MTA3: variants seen among roughly 807,000 people sequenced by gnomAD.
MTA3 encodes metastasis associated 1 family member 3.
In MTA3, 34 loss-of-function variants were observed where a neutral mutation model predicts 83.5. The observed-to-expected ratio is 0.41, with a 90% CI of 0.31 to 0.54. MTA3 has a LOEUF of 0.54. Ranked by LOEUF, MTA3 falls within the 20% of genes least tolerant of loss-of-function variation. MTA3 has a pLI of 0.33. For synonymous variants in MTA3, 303 were observed against 252.7 expected (o/e 1.20, Z -1.89); for missense variants, 761 against 726.4 (o/e 1.05, Z -0.55).
At chr2:42,514,426 G>T (rs908236420) in intron 2 of MTA3, among the ~76,000 whole-genome samples, 2 of 152,080 alleles carry the variant, frequency 1.3e-5, no homozygotes, top group African/African-American at 2.4e-5. Context: ...TCATCACCCA[G>T]GCTGGAGTGC....
chr2:42,708,877 C>A lies in MTA3; in HGVS notation c.1306C>A (p.Pro436Thr), dbSNP rs1341767276. 1 of 1,613,732 alleles carries A rather than the reference C, an allele frequency of 6.2e-7. No individual in the cohort carries two copies. Among genetic ancestry groups the A allele is most frequent in the African/African-American group, 1.3e-5 (1 of 74,904 alleles). ...TTGTTGTTTTCTGATTTTGCAGGAC[C>A]CTCGTGTTAGAAGTCACGTGTCCCG... is the stretch of plus-strand genomic sequence containing the variant. ...KLSPSPTTED[P>T]RVRSHVSRQA... is the part of the protein sequence containing the mutation. The change falls in exon 14 of 17, where the codon CCT (proline) becomes ACT (threonine). Residue 436 changes from proline (P) to threonine (T), a missense_variant. By Grantham distance (38) the Pro-to-Thr change is conservative (BLOSUM62 -1). Transcript: ENST00000405094.
intron 11 of MTA3, 47 bp downstream of exon 11, chr2:42,697,881 A>T: frequency 7.6e-7 from 1 of 1,319,092 alleles, no homozygotes; most frequent in Non-Finnish European, 1.0e-6. Context: ...TCTTAATTTT[A>T]TCATTGCAGA....
chr2:42,548,841 T>TA (rs1464344132), intron 2 of MTA3, among the ~76,000 whole-genome samples: 1,510 of 12,320 alleles, frequency 0.12, 216 homozygotes, highest in South Asian at 0.23. Context: ...TATATATATA[T>TA]ATATAATATA....
intron 2 of MTA3, among the ~76,000 whole-genome samples, chr2:42,574,443 C>G (rs1400113313): frequency 6.7e-6 from 1 of 148,662 alleles, no homozygotes; most frequent in Non-Finnish European, 1.5e-5. Context: ...CTCAAAATAA[C>G]TGTGCTACTG....
At chr2:42,653,256 C>G (rs2104350035) in intron 6 of MTA3, among the ~76,000 whole-genome samples, 1 of 152,040 alleles carries the variant, frequency 6.6e-6, no homozygotes, top group Non-Finnish European at 1.5e-5. Flanking sequence ...TGATACGGCA[C>G]TTGAGCAGAT....
chr2:42,545,077 C>A (rs959303917), intron 2 of MTA3, among the ~76,000 whole-genome samples: 1 of 152,088 alleles, frequency 6.6e-6, no homozygotes, highest in African/African-American at 2.4e-5. Flanking sequence ...GTCATGAGAC[C>A]ATTAAGATTT....
chr2:42,746,563 C>T (rs1210129282), intron 16 of MTA3, among the ~76,000 whole-genome samples: 1 of 152,200 alleles, frequency 6.6e-6, no homozygotes, highest in Non-Finnish European at 1.5e-5. Flanking sequence ...GACTGCCACC[C>T]GACTTCCAGT....
chr2:42,579,565 T>TA (rs1189878136), intron 3 of MTA3, among the ~76,000 whole-genome samples: 31 of 152,002 alleles, frequency 2.0e-4, no homozygotes, highest in Non-Finnish European at 2.1e-4. Flanking sequence ...GTGCTGGGAT[T>TA]ACAGGTGTGA....
At chr2:42,583,620 C>A (rs1215197916) in intron 3 of MTA3, among the ~76,000 whole-genome samples, 2 of 151,966 alleles carry the variant, frequency 1.3e-5, no homozygotes, top group African/African-American at 4.8e-5. Context: ...TGCAGCCTTC[C>A]CTGGTTCAAG....
chr2:42,548,846 A>AATATATATATAAT (rs1676908977), intron 2 of MTA3, among the ~76,000 whole-genome samples: 1 of 15,054 alleles, frequency 6.6e-5, no homozygotes, highest in African/African-American at 2.6e-4. Flanking sequence ...ATATATATAT[A>AATATATATATAAT]ATATATATAT....
chr2:42,622,189 G>A (rs576695379), intron 4 of MTA3, among the ~76,000 whole-genome samples: 5 of 152,306 alleles, frequency 3.3e-5, no homozygotes, highest in East Asian at 3.9e-4. Flanking sequence ...GATCACTCGC[G>A]GTTAGGAGCT....
chr2:42,629,787 T>A (rs1301624430), intron 4 of MTA3, among the ~76,000 whole-genome samples: 1 of 150,986 alleles, frequency 6.6e-6, no homozygotes, highest in Middle Eastern at 3.2e-3. Flanking sequence ...GAAAAACAAT[T>A]TTTTTTTTTG....
At chr2:42,524,619 C>G (rs1373218990) in intron 2 of MTA3, among the ~76,000 whole-genome samples, 2 of 151,596 alleles carry the variant, frequency 1.3e-5, no homozygotes, top group African/African-American at 4.8e-5. Flanking sequence ...CCACCGCGCC[C>G]CGCCAGCTGC....
At chr2:42,694,575 C>T (rs1276471689) in intron 9 of MTA3, among the ~76,000 whole-genome samples, 1 of 152,106 alleles carries the variant, frequency 6.6e-6, no homozygotes, top group Admixed American at 6.5e-5. Context: ...CCCCTGGTCA[C>T]TGTGATGTTC....
At chr2:42,529,863 G>T (rs1247281683) in intron 2 of MTA3, among the ~76,000 whole-genome samples, 2 of 152,202 alleles carry the variant, frequency 1.3e-5, no homozygotes, top group Non-Finnish European at 2.9e-5. Flanking sequence ...CAATCCAGAT[G>T]AGTCGGTCAG....
intron 4 of MTA3, among the ~76,000 whole-genome samples, chr2:42,626,734 C>CT (rs1558517590): frequency 1.3e-5 from 2 of 151,908 alleles, no homozygotes; most frequent in African/African-American, 4.8e-5. Flanking sequence ...GTATTAGCTC[C>CT]TTTTTTTTAA....
At chr2:42,701,310 AAAT>A (rs1693842579) in intron 11 of MTA3, among the ~76,000 whole-genome samples, 2 of 145,942 alleles carry the variant, frequency 1.4e-5, no homozygotes. Flanking sequence ...AAAAAAAAAA[AAAT>A]TAAAGGCCAG....
intron 3 of MTA3, among the ~76,000 whole-genome samples, chr2:42,608,216 A>C (rs1327070907): frequency 6.6e-6 from 1 of 152,212 alleles, no homozygotes; most frequent in Non-Finnish European, 1.5e-5. Flanking sequence ...GTCTTATACA[A>C]CAACAATTTG....
intron 2 of MTA3, among the ~76,000 whole-genome samples, chr2:42,498,065 C>T (rs1674226735): frequency 6.6e-6 from 1 of 152,180 alleles, no homozygotes; most frequent in African/African-American, 2.4e-5. Flanking sequence ...ACCGTTTCCC[C>T]CAAAGCTTTA....
Sources: allele counts gnomAD v4.1 joint callset (sites outside exome capture counted in the v4.1 genomes callset), GRCh38; gene constraint gnomAD v4.1.1; transcripts MANE v1.5; gene names NCBI Gene and HGNC (gene_info 2026-07-23, HGNC 2026-07-21).